The following ASAP3 variants were observed in gnomAD, a reference collection of about 807,000 sequenced individuals.
ASAP3 encodes ArfGAP with SH3 domain, ankyrin repeat and PH domain 3, also known as arf-GAP with SH3 domain, ANK repeat and PH domain-containing protein 3.
In ASAP3, 85 loss-of-function variants were observed where a neutral mutation model predicts 118.2. The ratio of observed to expected loss-of-function variants is 0.72; its 90% CI spans 0.60 to 0.86. The LOEUF (loss-of-function observed/expected upper bound fraction) is 0.86. Among genes scored for constraint, ASAP3 ranks in the 40% least tolerant of loss-of-function variants. The pLI, the probability that ASAP3 is intolerant of heterozygous loss-of-function variation, is 0.00. For missense variants in ASAP3, 1,026 were observed against 1,175.0 expected (o/e 0.87, Z 1.85); for synonymous variants, 432 against 477.4 (o/e 0.90, Z 1.24).
At chr1:23,468,852 C>CAT (rs1301412441) in intron 1 of ASAP3, among the ~76,000 whole-genome samples, 3 of 114,194 alleles carry the variant, frequency 2.6e-5, no homozygotes, top group African/African-American at 1.0e-4. Flanking sequence ...GCCTGGGTGA[C>CAT]AGAGTGAGAC....
chr1:23,450,106 A>G (rs992268416), intron 5 of ASAP3, among the ~76,000 whole-genome samples: 3 of 152,190 alleles, frequency 2.0e-5, no homozygotes, highest in Admixed American at 6.5e-5. Flanking sequence ...CACAGGATCT[A>G]TGCCCACAGC....
chr1:23,470,526 G>A (rs942997553), intron 1 of ASAP3, among the ~76,000 whole-genome samples: 18 of 152,230 alleles, frequency 1.2e-4, no homozygotes, highest in Non-Finnish European at 1.9e-4. Flanking sequence ...CCCCTGTCTC[G>A]CGGTGTGACC....
chr1:23,446,332 C>T (rs1256962176), intron 5 of ASAP3, among the ~76,000 whole-genome samples: 2 of 152,144 alleles, frequency 1.3e-5, no homozygotes, highest in African/African-American at 2.4e-5. Context: ...GTAGTCCCCC[C>T]TTCTCTGTAG....
intron 22 of ASAP3, among the ~76,000 whole-genome samples, chr1:23,432,319 T>C (rs1640468810): frequency 1.3e-5 from 2 of 152,168 alleles, no homozygotes; most frequent in African/African-American, 4.8e-5. Context: ...GGATCTCTTC[T>C]GGTTCTCTGC....
intron 1 of ASAP3, among the ~76,000 whole-genome samples, chr1:23,480,801 A>T (rs1481363155): frequency 2.0e-5 from 3 of 152,210 alleles, no homozygotes; most frequent in Non-Finnish European, 2.9e-5. Flanking sequence ...GTTGTTGTGA[A>T]TATCAATGAG....
At chr1:23,457,423 T>C (rs16828532) in intron 1 of ASAP3, among the ~76,000 whole-genome samples, 5,245 of 152,262 alleles carry the variant, frequency 0.034, 268 homozygotes, top group African/African-American at 0.12. Context: ...TGGAGTGTTC[T>C]CAGAGGCCGG....
intron 11 of ASAP3, 128 bp downstream of exon 11, chr1:23,439,033 G>A (rs767703214): frequency 1.8e-4 from 227 of 1,236,852 alleles, no homozygotes; most frequent in Non-Finnish European, 2.5e-4. Flanking sequence ...CCTCCCAAAC[G>A]GGTCTCCAGC....
intron 24 of ASAP3, 21 bp downstream of exon 24, chr1:23,431,014 C>T (rs1402378040): frequency 1.5e-5 from 23 of 1,533,324 alleles, no homozygotes; most frequent in Middle Eastern, 1.7e-4. Context: ...GCCCCTCAAA[C>T]CATGGTCCCA....
At chr1:23,434,757 G>A in intron 17 of ASAP3, 139 bp from the exon 18 acceptor site, 1 of 746,246 alleles carries the variant, frequency 1.3e-6, no homozygotes, top group Non-Finnish European at 2.2e-6. Context: ...GACTGCAAGG[G>A]CAGAGCCTCA....
At chr1:23,442,037 C>T (rs966195647) in intron 7 of ASAP3, 149 bp downstream of exon 7, 4 of 836,520 alleles carry the variant, frequency 4.8e-6, no homozygotes, top group Admixed American at 2.1e-5. Context: ...TCATGCCTGA[C>T]ACCCGGTGAG....
Position 23,436,351 on chromosome 1 carries a change from C to T in ASAP3, c.1571+209G>A, listed in dbSNP as rs376871104. On this transcript the variant is annotated intron_variant, in intron 16 of 24. Transcript: ENST00000336689. This position sits in a 1 kb window ranked among gnomAD's most constrained non-coding sequence, Gnocchi z 4.2. Reference sequence around the variant, plus strand: ...CTAATTCTTGTATTTTGAGTACAGGCGGGGTTTTGCCATCTTAGCCGGGCT... The same window carrying T: ...CTAATTCTTGTATTTTGAGTACAGGTGGGGTTTTGCCATCTTAGCCGGGCT... 6.6e-6 allele frequency among the ~76,000 whole-genome samples: 1 copy of T among 152,174 alleles called. No individual in the cohort carries two copies. The highest frequency in any genetic ancestry group is 6.5e-5 in the Admixed American group (1 of 15,284).
intron 1 of ASAP3, among the ~76,000 whole-genome samples, chr1:23,471,396 C>T (rs1641957430): frequency 6.6e-6 from 1 of 152,196 alleles, no homozygotes; most frequent in Non-Finnish European, 1.5e-5. Context: ...CCATACATGT[C>T]TGATCTCTAC....
chr1:23,442,592 C>T lies in ASAP3; in HGVS notation c.494G>A (p.Arg165His), dbSNP rs368844883. The T allele has an allele frequency of 1.9e-5, 30 of 1,614,016 alleles. No individual in the cohort carries two copies. The East Asian group carries it at 2.9e-4, about 16-fold the overall frequency. Residue 165 changes from arginine to histidine, a missense_variant, in exon 6 of 25, where the codon CGC (arginine) becomes CAC (histidine). Coordinates refer to ENST00000336689, the MANE Select transcript of ASAP3 (RefSeq NM_017707.4). ...CCCTCCTGTCACCCTGGCCCGATCG[C>T]GCTCCTTCTCCAGCTTGGCCCTAGA... is the stretch of plus-strand genomic sequence containing the variant. ...EAKMAKLEKE[R>H]DRARVTGGIP...
chr1:23,479,701 G>A (rs951516271), intron 1 of ASAP3: 16 of 152,062 alleles, frequency 1.1e-4, no homozygotes, highest in African/African-American at 3.6e-4. Context: ...TATAAGACCT[G>A]ATACCAATTT....
At chr1:23,454,192 T>C (rs2148634442) in intron 3 of ASAP3, among the ~76,000 whole-genome samples, 1 of 150,508 alleles carries the variant, frequency 6.6e-6, no homozygotes, top group East Asian at 2.0e-4. Flanking sequence ...GGCATTTTTT[T>C]TTTTTTTTTT....
chr1:23,440,137 T>C (rs1640810520), intron 10 of ASAP3, among the ~76,000 whole-genome samples: 1 of 151,500 alleles, frequency 6.6e-6, no homozygotes, highest in Admixed American at 6.6e-5. Flanking sequence ...TTTTTTTTTT[T>C]TTTTTACACT....
At chr1:23,453,914 C>G (rs1163380306) in intron 3 of ASAP3, among the ~76,000 whole-genome samples, 1 of 152,198 alleles carries the variant, frequency 6.6e-6, no homozygotes, top group African/African-American at 2.4e-5. Flanking sequence ...TCACCAACCC[C>G]TGGTACAATG....
chr1:23,441,173 G>A lies in ASAP3; in HGVS notation c.873C>T (p.Ser291=). The A allele has an allele frequency of 6.2e-7, 1 of 1,614,196 alleles. No individual in the cohort carries two copies. The highest frequency in any genetic ancestry group is 1.1e-5 in the South Asian group (1 of 91,084). The change falls in exon 10 of 25, where the codon AGC becomes AGT. Residue 291 remains serine, a synonymous_variant. Transcript: ENST00000336689. Reference sequence around the variant, plus strand: ...GCTTGTTGCCTTGGTGCTGGTGGATGCTATAGCCACATCCTGAGTTCTTCC... The same window carrying A: ...GCTTGTTGCCTTGGTGCTGGTGGATACTATAGCCACATCCTGAGTTCTTCC... The part of the protein sequence containing the change: ...LSRKNSGCGY[S]IHQHQGNKQF...
Position 23,436,826 on chromosome 1 carries a change from C to T in ASAP3, c.1476+85G>A, listed in dbSNP as rs1216388183. On this transcript the variant is annotated intron_variant, in intron 15 of 24. Transcript: ENST00000336689. The surrounding 1 kb of genome is among the most constrained non-coding windows in gnomAD (Gnocchi z 4.2). ...CCCAGCCCACCTCGGCCAGGTCCCACCCACAACCTGCAAGCCCCGCCCCCG... is the reference window on the plus strand; with the variant it reads ...CCCAGCCCACCTCGGCCAGGTCCCATCCACAACCTGCAAGCCCCGCCCCCG... 2 of 1,561,306 alleles carry T rather than the reference C, an allele frequency of 1.3e-6. No homozygotes were observed. The highest frequency in any genetic ancestry group is 1.7e-6 in the Non-Finnish European group (2 of 1,153,116).
Sources: allele counts gnomAD v4.1 joint callset (sites outside exome capture counted in the v4.1 genomes callset), GRCh38; gene constraint gnomAD v4.1.1; non-coding constraint Gnocchi (gnomAD v3.1); transcripts MANE v1.5; gene names NCBI Gene and HGNC (gene_info 2026-07-23, HGNC 2026-07-21).